The following DRC10 variants were observed in gnomAD, a reference collection of about 807,000 sequenced individuals.
DRC10 encodes the protein IQ domain-containing protein D.
chr12:113,217,679 G>T, the DRC10 span, among the ~76,000 whole-genome samples: 1 of 152,146 alleles, frequency 6.6e-6, no homozygotes, highest in Non-Finnish European at 1.5e-5. Context: ...TTACAGGTGC[G>T]TGTTACCACG....
chr12:113,199,433 CT>C, the DRC10 span, among the ~76,000 whole-genome samples: 1 of 144,290 alleles, frequency 6.9e-6, no homozygotes, highest in African/African-American at 2.5e-5. Flanking sequence ...AATAAACCCC[CT>C]AATCCTACAG....
chr12:113,207,042 AGAGT>A, the DRC10 span: 1 of 346,634 alleles, frequency 2.9e-6, no homozygotes, highest in Non-Finnish European at 5.6e-6. Context: ...CCTGGGCAAC[AGAGT>A]GAGACCCTGT....
chr12:113,211,924 T>C, the DRC10 span, among the ~76,000 whole-genome samples: 1 of 151,298 alleles, frequency 6.6e-6, no homozygotes, highest in South Asian at 2.1e-4. Flanking sequence ...AATTAGCCTG[T>C]CATGGTGGCA....
At chr12:113,212,215 G>A in the DRC10 span, among the ~76,000 whole-genome samples, 10,675 of 151,932 alleles carry the variant, frequency 0.07, 417 homozygotes, top group Middle Eastern at 0.082. Flanking sequence ...GATTACAGGC[G>A]TGCACCACCA....
the DRC10 span, among the ~76,000 whole-genome samples, chr12:113,198,716 G>T: frequency 1.3e-5 from 2 of 152,164 alleles, no homozygotes; most frequent in Non-Finnish European, 2.9e-5. Flanking sequence ...GTGGAAGTGG[G>T]GGTGGCACAA....
chr12:113,207,526 T>A, the DRC10 span: 1 of 1,613,914 alleles, frequency 6.2e-7, no homozygotes, highest in Non-Finnish European at 8.5e-7. Context: ...TCTACTGATA[T>A]CCTGTAAGAA....
At chr12:113,201,449 G>T in the DRC10 span, among the ~76,000 whole-genome samples, 662 of 152,308 alleles carry the variant, frequency 4.3e-3, 8 homozygotes, top group African/African-American at 0.015. Context: ...TTGGATTGAG[G>T]CCACAGGGGA....
At chr12:113,210,172 A>G in the DRC10 span, among the ~76,000 whole-genome samples, 1 of 152,214 alleles carries the variant, frequency 6.6e-6, no homozygotes, top group African/African-American at 2.4e-5. Context: ...TGTTTCAGAA[A>G]AATCTATAGG....
chr12:113,214,936 T>C, the DRC10 span, among the ~76,000 whole-genome samples: 2 of 152,142 alleles, frequency 1.3e-5, no homozygotes, highest in South Asian at 4.1e-4. Context: ...ATTCCCAGGC[T>C]AGGGCTGCAG....
the DRC10 span, chr12:113,208,278 G>A: frequency 1.4e-6 from 2 of 1,465,650 alleles, no homozygotes; most frequent in Non-Finnish European, 1.8e-6. Flanking sequence ...TGAAGAAGTA[G>A]GTGTGAGTGC....
the DRC10 span, among the ~76,000 whole-genome samples, chr12:113,210,046 G>T: frequency 3.9e-5 from 6 of 152,346 alleles, no homozygotes; most frequent in Admixed American, 3.9e-4. Flanking sequence ...TGAGGCATGA[G>T]AATCTCTTGA....
the DRC10 span, among the ~76,000 whole-genome samples, chr12:113,201,704 C>T: frequency 6.6e-6 from 1 of 152,220 alleles, no homozygotes; most frequent in Non-Finnish European, 1.5e-5. Context: ...ACACTAGAGT[C>T]TCCCTCTGAG....
chr12:113,201,988 A>G, the DRC10 span, among the ~76,000 whole-genome samples: 41 of 152,208 alleles, frequency 2.7e-4, no homozygotes, highest in African/African-American at 9.2e-4. Context: ...ACCTGGCAAA[A>G]ATGGCATTTG....
chr12:113,208,631 G>A, the DRC10 span: 291 of 162,952 alleles, frequency 1.8e-3, no homozygotes, highest in African/African-American at 6.7e-3. Flanking sequence ...AAGAGATGGT[G>A]AGCCTGGGGC....
chr12:113,201,214 A>G, the DRC10 span, among the ~76,000 whole-genome samples: 6 of 152,050 alleles, frequency 3.9e-5, no homozygotes, highest in Non-Finnish European at 8.8e-5. Context: ...CCTCAGGGCC[A>G]GGCATGCCAC....
chr12:113,195,912 G>A, the DRC10 span: 1 of 1,578,084 alleles, frequency 6.3e-7, no homozygotes, highest in Admixed American at 1.7e-5. Context: ...GTGGGGCTGG[G>A]GTCACCACAC....
At chr12:113,218,771 G>C in the DRC10 span, among the ~76,000 whole-genome samples, 16 of 152,250 alleles carry the variant, frequency 1.1e-4, no homozygotes, top group Middle Eastern at 3.4e-3. Context: ...ATGTTTTTGA[G>C]GTTCATCCAG....
chr12:113,219,036 T>C, the DRC10 span, among the ~76,000 whole-genome samples: 1 of 152,074 alleles, frequency 6.6e-6, no homozygotes, highest in Non-Finnish European at 1.5e-5. Flanking sequence ...TTATTTTTTG[T>C]TTTATTTATT....
the DRC10 span, chr12:113,221,085 C>A: frequency 2.3e-6 from 1 of 439,608 alleles, no homozygotes; most frequent in Non-Finnish European, 4.6e-6. Context: ...GAAGGCGAGA[C>A]TCGGTGTCTG....
Sources: allele counts gnomAD v4.1 joint callset (sites outside exome capture counted in the v4.1 genomes callset), GRCh38; gene constraint gnomAD v4.1.1; transcripts MANE v1.5; gene names NCBI Gene and HGNC (gene_info 2026-07-23, HGNC 2026-07-21).